Variants in SLC12A1 observed in about 807,000 individuals in gnomAD.
The protein encoded by SLC12A1 is solute carrier family 12 member 1, also known as Na-K-2Cl cotransporter.
Under a neutral mutation model 130.4 loss-of-function variants are expected in SLC12A1, and 89 were observed. The ratio of observed to expected loss-of-function variants is 0.68; its 90% CI spans 0.58 to 0.81. SLC12A1 has a LOEUF of 0.81. Among genes scored for constraint, SLC12A1 ranks in the 40% least tolerant of loss-of-function variants. SLC12A1 has a pLI of 0.00. For synonymous variants in SLC12A1, 499 were observed against 460.0 expected (o/e 1.08, Z -1.09); for missense variants, 1,310 against 1,336.4 (o/e 0.98, Z 0.31).
intron 15 of SLC12A1, among the ~76,000 whole-genome samples, chr15:48,254,994 T>A (rs1054504641): frequency 6.6e-6 from 1 of 152,122 alleles, no homozygotes; most frequent in East Asian, 1.9e-4. Flanking sequence ...TGATGAAGAT[T>A]AGGGATTAGG....
intron 20 of SLC12A1, 46 bp downstream of exon 20, chr15:48,274,699 A>G: frequency 7.5e-7 from 1 of 1,326,754 alleles, no homozygotes; most frequent in Non-Finnish European, 1.1e-6. Context: ...TTGAGCACCT[A>G]CTTTGTGCCT....
At chr15:48,292,651 C>T (rs921950689) in intron 24 of SLC12A1, among the ~76,000 whole-genome samples, 7 of 152,142 alleles carry the variant, frequency 4.6e-5, no homozygotes, top group Non-Finnish European at 7.3e-5. Flanking sequence ...TTACTCAGTT[C>T]CCTTTGAGGG....
At chr15:48,251,452 C>T (rs1285625360) in intron 14 of SLC12A1, among the ~76,000 whole-genome samples, 163 bp from the exon 15 acceptor site, 1 of 152,084 alleles carries the variant, frequency 6.6e-6, no homozygotes, top group Non-Finnish European at 1.5e-5. Flanking sequence ...CTTCATAGAC[C>T]AGGGACCCAA....
rs1405371694 is a variant in SLC12A1, at chr15:48,241,692, GT to G, written c.1300+99del. 3 of 876,424 alleles carry G rather than the reference GT, an allele frequency of 3.4e-6. No individual in the cohort carries two copies. The East Asian group carries it at 7.3e-5, about 21-fold the overall frequency. 54.3% of individuals were successfully genotyped at this position (876,424 alleles called of 1,614,324 possible). A position where few individuals can be genotyped will look rare whatever the true frequency, so the allele number is the denominator to read the frequency against. On this transcript the variant is annotated intron_variant, in intron 10 of 26. Transcript: ENST00000380993. ...GCTTTCAATGCAGCATAAATACAGA[GT>G]TTTTTAAAAGGCAACAATTTTAATT...
intron 2 of SLC12A1, among the ~76,000 whole-genome samples, chr15:48,212,411 G>A (rs376105677): frequency 1.3e-5 from 2 of 152,034 alleles, no homozygotes; most frequent in Admixed American, 1.3e-4. Context: ...TGTACCAGAC[G>A]TATTTTCCAC....
chr15:48,223,399 T>C (rs1258154476), intron 4 of SLC12A1: 4 of 152,198 alleles, frequency 2.6e-5, no homozygotes, highest in African/African-American at 4.8e-5. Flanking sequence ...ATGAACTGAA[T>C]GTTCTCCAAG....
At chr15:48,288,581 T>C (rs1174907541) in intron 23 of SLC12A1, 65 bp downstream of exon 23, 4 of 779,540 alleles carry the variant, frequency 5.1e-6, no homozygotes, top group Non-Finnish European at 8.8e-6. Flanking sequence ...GCTTTAATTT[T>C]AATAACTTTA....
intron 2 of SLC12A1, among the ~76,000 whole-genome samples, chr15:48,211,426 C>T (rs569942568): frequency 6.6e-6 from 1 of 152,214 alleles, no homozygotes; most frequent in Admixed American, 6.5e-5. Flanking sequence ...TGTGCTGCCA[C>T]CTCCTTGTGG....
At chr15:48,297,750 C>T (rs778558408) in intron 24 of SLC12A1, among the ~76,000 whole-genome samples, 1 of 152,130 alleles carries the variant, frequency 6.6e-6, no homozygotes, top group Non-Finnish European at 1.5e-5. Flanking sequence ...ACTCTCAAGC[C>T]AGTTTCTAGC....
intron 5 of SLC12A1, chr15:48,227,239 T>C: frequency 8.9e-7 from 1 of 1,118,860 alleles, no homozygotes; most frequent in Non-Finnish European, 1.3e-6. Flanking sequence ...GTTAATTTAC[T>C]ATTGGAAGTG....
At chr15:48,287,133 G>T (rs1248580370) in intron 21 of SLC12A1, among the ~76,000 whole-genome samples, 1 of 152,114 alleles carries the variant, frequency 6.6e-6, no homozygotes, top group African/African-American at 2.4e-5. Context: ...CAGCAATAAA[G>T]TCATGACTTT....
intron 16 of SLC12A1, among the ~76,000 whole-genome samples, chr15:48,257,561 C>A (rs768242989): frequency 5.9e-5 from 9 of 152,148 alleles, no homozygotes; most frequent in Non-Finnish European, 1.2e-4. Context: ...TCTATGCACC[C>A]ACAGGACCAA....
intron 23 of SLC12A1, among the ~76,000 whole-genome samples, 185 bp from the exon 24 acceptor site, chr15:48,291,593 G>A (rs1219869746): frequency 2.6e-5 from 4 of 152,058 alleles, no homozygotes; most frequent in African/African-American, 9.7e-5. Context: ...GAAATAGCTT[G>A]GTCCACACTT....
rs1430544763 is a variant in SLC12A1 at position 48,285,176 on chromosome 15, G to A, written c.2556G>A (p.Glu852=). ...EATIKDNECE[E]ESGGIRGLFK... is the part of the protein sequence containing the mutation. Reference sequence around the variant, plus strand: ...CTATCAAAGATAATGAGTGTGAAGAGGAAAGTGGAGGCATCCGAGGCTTGT... The same window carrying A: ...CTATCAAAGATAATGAGTGTGAAGAAGAAAGTGGAGGCATCCGAGGCTTGT... Residue 852 remains glutamate, a synonymous_variant, in exon 21 of 27, where the codon GAG becomes GAA. Transcript: ENST00000380993. 3 of 1,613,776 alleles carry A rather than the reference G, an allele frequency of 1.9e-6. No individual in the cohort carries two copies. Among genetic ancestry groups the A allele is most frequent in the Admixed American group, 1.7e-5 (1 of 60,016 alleles).
At chr15:48,293,631 T>G (rs1257739491) in intron 24 of SLC12A1, among the ~76,000 whole-genome samples, 2 of 152,234 alleles carry the variant, frequency 1.3e-5, no homozygotes. Flanking sequence ...GCTTAATAAC[T>G]AACTGAAAAT....
At chr15:48,287,742 C>A (rs1597455800) in intron 21 of SLC12A1, among the ~76,000 whole-genome samples, 1 of 152,120 alleles carries the variant, frequency 6.6e-6, no homozygotes, top group African/African-American at 2.4e-5. Context: ...TAAATAATAA[C>A]TCCACTCTGA....
chr15:48,255,853 G>A lies in SLC12A1; in HGVS notation c.1985G>A (p.Ser662Asn). 1 of 1,608,548 alleles carries A rather than the reference G, an allele frequency of 6.2e-7. No homozygotes were observed. Among genetic ancestry groups the A allele is most frequent in the South Asian group, 1.1e-5 (1 of 89,414 alleles). Reference protein sequence around the residue: ...GSSTQALSYVSALDNALELTT... With the variant: ...GSSTQALSYVNALDNALELTT... ...TCCACACAGGCTCTTTCCTACGTGA[G>A]TGCTTTAGACAATGCTCTGGAATTA... Residue 662 changes from serine (S) to asparagine (N), a missense_variant, in exon 16 of 27, where the codon AGT (serine) becomes AAT (asparagine). Ser to Asn is a conservative substitution (Grantham distance 46, BLOSUM62 1). Transcript: ENST00000380993.
chr15:48,224,654 C>G (rs916495657), intron 4 of SLC12A1: 5 of 152,158 alleles, frequency 3.3e-5, no homozygotes, highest in East Asian at 1.9e-4. Flanking sequence ...AAAATTGTCT[C>G]TGGTAATCAG....
At position 48,229,334 on chromosome 15, in the gene SLC12A1, TA is replaced by T. The variant is rs1567311258; in HGVS notation, c.864+10del. 1 of 1,586,098 alleles carries T rather than the reference TA, an allele frequency of 6.3e-7. No individual in the cohort carries two copies. Among genetic ancestry groups the T allele is most frequent in the Non-Finnish European group, 8.6e-7 (1 of 1,164,954 alleles). On this transcript the variant is annotated splice_region_variant and intron_variant, in intron 6 of 26. Transcript: ENST00000380993. ...CTGTAGTAGATCTTCTTAAGGTAAT[TA>T]AAAGCTTTTCTTTTTTTCTGCCAAG...
Sources: gnomAD v4.1 joint callset for allele counts (sites outside exome capture counted in the v4.1 genomes callset) on GRCh38, gnomAD v4.1.1 for gene constraint, MANE v1.5 for transcripts, NCBI Gene and HGNC (gene_info 2026-07-23, HGNC 2026-07-21) for gene names.